The following CPLANE1 variants were observed in gnomAD, a reference collection of about 807,000 sequenced individuals.
The protein encoded by CPLANE1 is ciliogenesis and planar polarity effector complex subunit 1.
In CPLANE1, 263 loss-of-function variants were observed where a neutral mutation model predicts 362.5. The observed-to-expected ratio is 0.73, with a 90% CI of 0.66 to 0.80. The LOEUF is 0.80. CPLANE1 is among the 30% of genes least tolerant of loss of function. The pLI is 0.00. For missense variants in CPLANE1, 3,461 were observed against 3,793.4 expected (o/e 0.91, Z 2.30); for synonymous variants, 1,212 against 1,302.6 (o/e 0.93, Z 1.50).
At chr5:37,146,700 G>C (rs1422427206) in intron 43 of CPLANE1, among the ~76,000 whole-genome samples, 1 of 152,084 alleles carries the variant, frequency 6.6e-6, no homozygotes, top group Admixed American at 6.6e-5. Context: ...GAGTGGGTGG[G>C]TGTATAGGTA....
At chr5:37,212,531 C>T (rs540790444) in intron 16 of CPLANE1, 11 of 532,282 alleles carry the variant, frequency 2.1e-5, no homozygotes, top group African/African-American at 1.2e-4. Context: ...CAAATGTTTT[C>T]GTATTATCAA....
chr5:37,129,236 C>T (rs924997893), intron 46 of CPLANE1, among the ~76,000 whole-genome samples: 1 of 152,146 alleles, frequency 6.6e-6, no homozygotes, highest in Admixed American at 6.5e-5. Context: ...TCATCTCTCA[C>T]CTTATACAAA....
chr5:37,198,457 C>T (rs1788199502), intron 20 of CPLANE1, among the ~76,000 whole-genome samples: 1 of 151,708 alleles, frequency 6.6e-6, no homozygotes, highest in Admixed American at 6.6e-5. Context: ...ACTGTAATTG[C>T]CTGGAATTAA....
At chr5:37,235,118 A>G (rs1798663867) in intron 8 of CPLANE1, among the ~76,000 whole-genome samples, 1 of 152,236 alleles carries the variant, frequency 6.6e-6, no homozygotes, top group Admixed American at 6.5e-5. Flanking sequence ...AAATGAATAT[A>G]GTAAGATTTC....
At position 37,225,787 on chromosome 5, in the gene CPLANE1, A is replaced by G. The variant is rs565915629; in HGVS notation, c.2291+517T>C. 1.9e-4 allele frequency among the ~76,000 whole-genome samples: 25 copies of G among 132,954 alleles called. No homozygotes were observed. The South Asian group carries it at 6.3e-3, about 33-fold the overall frequency. The allele number at this position is 132,954 out of a possible 152,430, so 87.2% of individuals were successfully genotyped here. Reference sequence around the variant, plus strand: ...GAATCTACTTGAACCCAGGAGGCGGAGGTTGCAGTGAGCCGAGATTGCATC... The same window carrying G: ...GAATCTACTTGAACCCAGGAGGCGGGGGTTGCAGTGAGCCGAGATTGCATC... On this transcript the variant is annotated intron_variant, in intron 12 of 52. Transcript: ENST00000651892.
intron 5 of CPLANE1, among the ~76,000 whole-genome samples, 185 bp from the exon 6 acceptor site, chr5:37,243,304 A>C (rs1477667711): frequency 2.0e-5 from 3 of 152,150 alleles, no homozygotes; most frequent in Non-Finnish European, 2.9e-5. Flanking sequence ...CAGGTCTCAA[A>C]TGGGTAATCA....
intron 5 of CPLANE1, among the ~76,000 whole-genome samples, chr5:37,243,478 C>T (rs900673114): frequency 3.3e-5 from 5 of 151,676 alleles, no homozygotes; most frequent in African/African-American, 1.2e-4. Context: ...AGTGAAATTT[C>T]TAACAAGAGT....
intron 18 of CPLANE1, among the ~76,000 whole-genome samples, chr5:37,203,956 C>T (rs1162660216): frequency 6.6e-6 from 1 of 152,164 alleles, no homozygotes; most frequent in African/African-American, 2.4e-5. Context: ...TTGTTTCTGA[C>T]CTCTGGCAAT....
At position 37,190,993 on chromosome 5, in the gene CPLANE1, T is replaced by G. The variant is rs563440194; in HGVS notation, c.3812-3151A>C. 5.9e-5 allele frequency among the ~76,000 whole-genome samples: 9 copies of G among 152,268 alleles called. No homozygotes were observed. The East Asian group carries it at 1.7e-3, about 29-fold the overall frequency. On this transcript the variant is annotated intron_variant, in intron 21 of 52. Transcript: ENST00000651892. ...TATACTCTTACTTATTAAAAAAAAC[T>G]GTAAAATAGCCTCAGGCAGGTCCTT...
At position 37,108,453 on chromosome 5, in the gene CPLANE1, T is replaced by G. The variant is rs1193137338; in HGVS notation, c.9419A>C (p.His3140Pro). ...TFQKGSNAPC[H>P]SLQHTKKHGS... The stretch of plus-strand genomic sequence containing the variant: ...ATGTTTTTTTGTATGCTGCAGACTA[T>G]GACACGGAGCATTAGAGCCTTTTAA... Residue 3140 changes from histidine to proline, a missense_variant, in exon 52 of 53, where the codon CAT becomes CCT. Transcript: ENST00000651892. 2 of 1,613,994 alleles carry G rather than the reference T, an allele frequency of 1.2e-6. No individual in the cohort carries two copies. The highest frequency in any genetic ancestry group is 1.7e-6 in the Non-Finnish European group (2 of 1,179,986).
chr5:37,174,317 T>G (rs1466717044), intron 31 of CPLANE1, among the ~76,000 whole-genome samples: 1 of 152,220 alleles, frequency 6.6e-6, no homozygotes, highest in Non-Finnish European at 1.5e-5. Flanking sequence ...TAATTTGGCT[T>G]AGAAATATGT....
intron 31 of CPLANE1, among the ~76,000 whole-genome samples, chr5:37,174,727 A>G (rs1780689804): frequency 6.6e-6 from 1 of 152,236 alleles, no homozygotes; most frequent in African/African-American, 2.4e-5. Flanking sequence ...TAAATTTCAT[A>G]TAGACTTATT....
chr5:37,098,148 C>A, the CPLANE1 span, among the ~76,000 whole-genome samples: 1 of 151,812 alleles, frequency 6.6e-6, no homozygotes, highest in Non-Finnish European at 1.5e-5. Context: ...AATCCCAGCA[C>A]TTTGGGAGGC....
At position 37,162,467 on chromosome 5, in the gene CPLANE1, G is replaced by A; in HGVS notation, c.7688C>T (p.Pro2563Leu). 6.3e-7 allele frequency: 1 copy of A among 1,584,952 alleles called. No homozygotes were observed. The highest frequency in any genetic ancestry group is 8.6e-7 in the Non-Finnish European group (1 of 1,156,944). The change falls in exon 38 of 53, where the codon CCA becomes CTA. Residue 2563 changes from proline to leucine, a missense_variant and splice_region_variant. Transcript: ENST00000651892. Reference protein sequence around the residue: ...GSQDASTNTDPEHEPLTAPQL... With the variant: ...GSQDASTNTDLEHEPLTAPQL... ...TTAAAAAGTAAAACAGCATTTACCT[G>A]GGTCTGTATTTGTACTTGCATCTTG...
chr5:37,088,303 GA>G, the CPLANE1 span, among the ~76,000 whole-genome samples: 16 of 152,358 alleles, frequency 1.1e-4, no homozygotes, highest in Non-Finnish European at 2.2e-4. Flanking sequence ...GCAATCAAAG[GA>G]AAGGCAGCCA....
At chr5:37,082,767 CAA>C in the CPLANE1 span, among the ~76,000 whole-genome samples, 27 of 125,584 alleles carry the variant, frequency 2.1e-4, no homozygotes, top group Non-Finnish European at 1.4e-4. Flanking sequence ...CGTGGAAACC[CAA>C]AAAAAAAAAA....
intron 51 of CPLANE1, among the ~76,000 whole-genome samples, chr5:37,111,398 G>A (rs1234442438): frequency 2.0e-5 from 3 of 149,684 alleles, no homozygotes; most frequent in Non-Finnish European, 4.5e-5. Context: ...TGCTGGGATT[G>A]TACAGGCGTG....
chr5:37,205,682 G>A (rs1160475003), intron 17 of CPLANE1, among the ~76,000 whole-genome samples: 3 of 151,996 alleles, frequency 2.0e-5, no homozygotes, highest in Non-Finnish European at 2.9e-5. Flanking sequence ...CCCTAAACAC[G>A]GGCTTTACTA....
intron 6 of CPLANE1, among the ~76,000 whole-genome samples, chr5:37,240,829 C>T (rs775278169): frequency 3.3e-5 from 5 of 152,214 alleles, no homozygotes; most frequent in Non-Finnish European, 7.3e-5. Context: ...TTTTTATATG[C>T]AACCCCAAAT....
Sources: allele counts gnomAD v4.1 joint callset (sites outside exome capture counted in the v4.1 genomes callset), GRCh38; gene constraint gnomAD v4.1.1; transcripts MANE v1.5; gene names NCBI Gene and HGNC (gene_info 2026-07-23, HGNC 2026-07-21).